Variants in C1QTNF3 observed in about 807,000 individuals in gnomAD.
C1QTNF3 encodes C1q and TNF related 3, also known as complement C1q tumor necrosis factor-related protein 3.
C1QTNF3 carries 26 observed loss-of-function variants against 32.6 expected under a neutral mutation model. The observed-to-expected ratio is 0.80, with a 90% confidence interval of 0.58 to 1.11. The LOEUF (loss-of-function observed/expected upper bound fraction) is 1.11. C1QTNF3 is among the 50% of genes least tolerant of loss of function. C1QTNF3 has a pLI of 0.00. For missense variants in C1QTNF3, 362 were observed against 398.2 expected (o/e 0.91, Z 0.77); for synonymous variants, 155 against 146.0 (o/e 1.06, Z -0.44).
At chr5:34,033,707 C>G (rs1220256592) in intron 2 of C1QTNF3, among the ~76,000 whole-genome samples, 1 of 152,144 alleles carries the variant, frequency 6.6e-6, no homozygotes, top group African/African-American at 2.4e-5. Context: ...TTCTGATTAT[C>G]ACATTATCAT....
the C1QTNF3 span, among the ~76,000 whole-genome samples, chr5:34,125,283 A>G: frequency 6.6e-6 from 1 of 151,948 alleles, no homozygotes; most frequent in African/African-American, 2.4e-5. Flanking sequence ...AAATTTTATA[A>G]TATTTCTCCA....
At chr5:34,082,451 CT>C in the C1QTNF3 span, among the ~76,000 whole-genome samples, 1 of 151,628 alleles carries the variant, frequency 6.6e-6, no homozygotes, top group Non-Finnish European at 1.5e-5. Context: ...ATGCTAATTG[CT>C]TTTCGATCTG....
chr5:34,218,119 GACAATATTATC>G, the C1QTNF3 span, among the ~76,000 whole-genome samples: 1 of 151,436 alleles, frequency 6.6e-6, no homozygotes, highest in Non-Finnish European at 1.5e-5. Context: ...GTTAAAAAAG[GACAATATTATC>G]ATAAGAACAT....
At chr5:34,078,612 A>G in the C1QTNF3 span, among the ~76,000 whole-genome samples, 1 of 151,552 alleles carries the variant, frequency 6.6e-6, no homozygotes, top group African/African-American at 2.4e-5. This position sits in a 1 kb window ranked among gnomAD's most constrained non-coding sequence, Gnocchi z 4.0. Context: ...GGGGATTACA[A>G]TTTTGATTAC....
the C1QTNF3 span, among the ~76,000 whole-genome samples, chr5:34,140,118 G>A: frequency 1.3e-5 from 2 of 152,162 alleles, no homozygotes; most frequent in Admixed American, 1.3e-4. Flanking sequence ...CTATGACTCA[G>A]CGGAGAGTTG....
the C1QTNF3 span, among the ~76,000 whole-genome samples, chr5:34,228,413 AGAGACACG>A: frequency 3.1e-4 from 47 of 151,618 alleles, no homozygotes; most frequent in African/African-American, 1.1e-3. Context: ...TTGTCTTCTA[AGAGACACG>A]GCAGGGAAAG....
chr5:34,029,903 A>G (rs1346497735), intron 3 of C1QTNF3, among the ~76,000 whole-genome samples: 1 of 152,240 alleles, frequency 6.6e-6, no homozygotes, highest in Non-Finnish European at 1.5e-5. Context: ...AGTAACATGT[A>G]TATAAGTATG....
At chr5:34,223,987 C>A in the C1QTNF3 span, among the ~76,000 whole-genome samples, 12 of 152,032 alleles carry the variant, frequency 7.9e-5, no homozygotes, top group Admixed American at 4.6e-4. Context: ...AAAAATCACA[C>A]GCATTTGTAT....
At chr5:34,235,938 A>G in the C1QTNF3 span, among the ~76,000 whole-genome samples, 1 of 152,206 alleles carries the variant, frequency 6.6e-6, no homozygotes, top group Non-Finnish European at 1.5e-5. Flanking sequence ...TTTTTAAGAT[A>G]GGAAAAGCAT....
At chr5:34,236,775 C>T in the C1QTNF3 span, among the ~76,000 whole-genome samples, 99 of 151,622 alleles carry the variant, frequency 6.5e-4, 2 homozygotes, top group South Asian at 1.0e-3. Flanking sequence ...GGGGTTTCAC[C>T]GTGTTGGCCA....
the C1QTNF3 span, among the ~76,000 whole-genome samples, chr5:34,155,749 C>A: frequency 6.6e-6 from 1 of 152,006 alleles, no homozygotes; most frequent in Admixed American, 6.6e-5. Flanking sequence ...ACAAATTATT[C>A]AAGAAACTAC....
At chr5:34,144,912 G>A in the C1QTNF3 span, among the ~76,000 whole-genome samples, 5 of 152,002 alleles carry the variant, frequency 3.3e-5, no homozygotes, top group Admixed American at 6.6e-5. Context: ...GGTGGATCAC[G>A]AGGTCAGGAG....
At chr5:34,083,342 C>T in the C1QTNF3 span, among the ~76,000 whole-genome samples, 1 of 151,608 alleles carries the variant, frequency 6.6e-6, no homozygotes, top group Non-Finnish European at 1.5e-5. Context: ...TTAAAAACTA[C>T]AATACAACAC....
chr5:34,173,954 T>G, the C1QTNF3 span, among the ~76,000 whole-genome samples: 5 of 152,344 alleles, frequency 3.3e-5, no homozygotes, highest in South Asian at 6.2e-4. Flanking sequence ...ATAGTCTACA[T>G]GGGAAATGCT....
chr5:34,023,788 C>A, intron 5 of C1QTNF3, 121 bp downstream of exon 5: 1 of 642,072 alleles, frequency 1.6e-6, no homozygotes. Context: ...CATGAGGGCT[C>A]TTATTAAGGA....
At chr5:34,148,005 T>C in the C1QTNF3 span, among the ~76,000 whole-genome samples, 8 of 151,876 alleles carry the variant, frequency 5.3e-5, no homozygotes, top group East Asian at 1.6e-3. Flanking sequence ...GTGCGCACCA[T>C]GCGCGAGCCG....
the C1QTNF3 span, among the ~76,000 whole-genome samples, chr5:34,169,915 G>C: frequency 6.6e-6 from 1 of 152,040 alleles, no homozygotes; most frequent in Non-Finnish European, 1.5e-5. Flanking sequence ...ACGCGATCCA[G>C]CACTCTTATT....
the C1QTNF3 span, among the ~76,000 whole-genome samples, chr5:34,115,453 G>A: frequency 2.0e-5 from 3 of 152,110 alleles, no homozygotes; most frequent in Non-Finnish European, 2.9e-5. Flanking sequence ...GCTGGTGGCC[G>A]GACACGGTGG....
chr5:34,142,019 G>A, the C1QTNF3 span, among the ~76,000 whole-genome samples: 1 of 152,274 alleles, frequency 6.6e-6, no homozygotes, highest in Admixed American at 6.5e-5. Flanking sequence ...GGGGATTGAT[G>A]GGGTGGCACA....
Sources: allele counts gnomAD v4.1 joint callset (sites outside exome capture counted in the v4.1 genomes callset), GRCh38; gene constraint gnomAD v4.1.1; non-coding constraint Gnocchi (gnomAD v3.1); transcripts MANE v1.5; gene names NCBI Gene and HGNC (gene_info 2026-07-23, HGNC 2026-07-21).